Variants in PLXNB2 observed in about 807,000 individuals in gnomAD.
PLXNB2 encodes the protein plexin-B2.
Under a neutral mutation model 202.6 loss-of-function variants are expected in PLXNB2, and 85 were observed. The ratio of observed to expected loss-of-function variants is 0.42; its 90% CI spans 0.35 to 0.50. PLXNB2 has a LOEUF of 0.50. Among genes scored for constraint, PLXNB2 ranks in the 20% least tolerant of loss-of-function variants. The pLI is 0.02. For missense variants in PLXNB2, 2,063 were observed against 2,586.2 expected (o/e 0.80, Z 4.39); for synonymous variants, 1,239 against 1,137.6 (o/e 1.09, Z -1.79).
Position 50,289,120 on chromosome 22 carries a change from C to A in PLXNB2, c.1091G>T (p.Cys364Phe). The change falls in exon 4 of 37, where the codon TGT (cysteine) becomes TTT (phenylalanine). Residue 364 changes from cysteine (C) to phenylalanine (F), a missense_variant. Around this residue, in one of 2 missense-constraint regions of PLXNB2, gnomAD observed 1,303 missense variants for 1,476.8 expected, o/e 0.88. Coordinates refer to ENST00000359337, the MANE Select transcript of PLXNB2 (RefSeq NM_012401.4). The surrounding 1 kb of genome is among the most constrained non-coding windows in gnomAD (Gnocchi z 8.0). ...HAPGSSKSFPCGSEHLPYPLG... is the reference protein window; with the variant it reads ...HAPGSSKSFPFGSEHLPYPLG... ...CGGGTAGGGCAGGTGCTCCGAGCCA[C>A]ATGGGAAGCTCTTGCTGGAGCCCTG... 1 of 1,581,596 alleles carries A rather than the reference C, an allele frequency of 6.3e-7. No homozygotes were observed. Among genetic ancestry groups the A allele is most frequent in the Non-Finnish European group, 8.6e-7 (1 of 1,164,244 alleles).
Position 50,283,728 on chromosome 22 carries a change from A to G in PLXNB2, c.2444T>C (p.Leu815Pro), listed in dbSNP as rs965072605. 2 of 1,611,958 alleles carry G rather than the reference A, an allele frequency of 1.2e-6. No individual in the cohort carries two copies. The highest frequency in any genetic ancestry group is 1.3e-5 in the African/African-American group (1 of 74,906). The change falls in exon 15 of 37, where the codon CTG (leucine) becomes CCG (proline). Residue 815 changes from leucine (L) to proline (P), a missense_variant. Physicochemically the swap from Leu to Pro is moderately conservative, Grantham distance 98. This residue lies in a region of PLXNB2 where 1,303 missense variants were observed against 1,476.8 expected (regional missense o/e 0.88). Coordinates refer to ENST00000359337, the MANE Select transcript of PLXNB2 (RefSeq NM_012401.4). ...GATGGTGATGCGGATGCCCCCACCC[A>G]GGGGGCCCGTCTCAGGCTGGATCTG... is the stretch of plus-strand genomic sequence containing the variant. Reference protein sequence around the residue: ...ITRIQPETGPLGGGIRITILG... With the variant: ...ITRIQPETGPPGGGIRITILG...
At position 50,285,818 on chromosome 22, in the gene PLXNB2, C is replaced by T. The variant is rs753893606; in HGVS notation, c.2070G>A (p.Lys690=). Residue 690 remains lysine (K), a synonymous_variant, in exon 11 of 37, where the codon AAG becomes AAA. Transcript: ENST00000359337. ...TCCGCACCTTCACGGTGTCCAGGTT[C>T]TTGCCCTGGAAGTTCACATCTGTCT... The part of the protein sequence containing the change: ...NHETDVNFQG[K]NLDTVKGSSL... 12 of 1,612,220 alleles carry T rather than the reference C, an allele frequency of 7.4e-6. No homozygotes were observed. Among genetic ancestry groups the T allele is most frequent in the Middle Eastern group, 1.7e-4 (1 of 6,060 alleles).
intron 1 of PLXNB2, among the ~76,000 whole-genome samples, chr22:50,306,492 A>C (rs1601790418): frequency 6.6e-6 from 1 of 151,766 alleles, no homozygotes; most frequent in African/African-American, 2.4e-5. Flanking sequence ...GAGAGCCCCC[A>C]CTTCCCGGCA....
At chr22:50,290,767 G>A (rs1259906017) in intron 2 of PLXNB2, among the ~76,000 whole-genome samples, 170 bp from the exon 3 acceptor site, 5 of 152,138 alleles carry the variant, frequency 3.3e-5, no homozygotes, top group South Asian at 2.1e-4. Flanking sequence ...CGCCATCCTC[G>A]AGGTCTCGCC....
rs1601662091 is a variant in PLXNB2, at chr22:50,275,490, G to A, written c.*214C>T. Reference sequence around the variant, plus strand: ...GGTTCTGCGGCCGGAGGGAGCTGGGGCTGGGGCTGGTGCTGGTGCGGTGCC... The same window carrying A: ...GGTTCTGCGGCCGGAGGGAGCTGGGACTGGGGCTGGTGCTGGTGCGGTGCC... On this transcript the variant is annotated 3_prime_UTR_variant, in exon 37 of 37. Coordinates refer to ENST00000359337, the MANE Select transcript of PLXNB2 (RefSeq NM_012401.4). The A allele has an allele frequency of 3.0e-6, 2 of 669,132 alleles. No homozygotes were observed. Among genetic ancestry groups the A allele is most frequent in the Non-Finnish European group, 2.8e-6 (1 of 363,044 alleles). The allele number at this position is 669,132 out of a possible 1,614,324, so 41.4% of individuals were successfully genotyped here.
rs1421329356 is a variant in PLXNB2, at chr22:50,286,188, A to T, written c.1862T>A (p.Leu621Gln). Residue 621 changes from leucine to glutamine, a missense_variant, in exon 9 of 37, where the codon CTG becomes CAG. Coordinates refer to ENST00000359337, the MANE Select transcript of PLXNB2 (RefSeq NM_012401.4). Reference sequence around the variant, plus strand: ...AGACACTCACGGCAGGTTCTCCTCCAGGCTCATGGCCTGGCGGCAGTCGTA... The same window carrying T: ...AGACACTCACGGCAGGTTCTCCTCCTGGCTCATGGCCTGGCGGCAGTCGTA... ...PFYDCRQAMS[L>Q]EENLPCISCV... The T allele has an allele frequency of 6.2e-7, 1 of 1,612,930 alleles. No homozygotes were observed. Among genetic ancestry groups the T allele is most frequent in the Non-Finnish European group, 8.5e-7 (1 of 1,179,734 alleles).
intron 2 of PLXNB2, among the ~76,000 whole-genome samples, chr22:50,292,221 T>C (rs1375212347): frequency 6.6e-6 from 1 of 150,840 alleles, no homozygotes; most frequent in Non-Finnish European, 1.5e-5. Context: ...GCCTGTAGTC[T>C]CAGCTACTCC....
At position 50,281,628 on chromosome 22, in the gene PLXNB2, C is replaced by T. The variant is rs777426414; in HGVS notation, c.3460G>A (p.Val1154Met). The change falls in exon 21 of 37, where the codon GTG (valine) becomes ATG (methionine). Residue 1154 changes from valine (V) to methionine (M), a missense_variant. Coordinates refer to ENST00000359337, the MANE Select transcript of PLXNB2 (RefSeq NM_012401.4). ...TGCCGCCGCTTGGGCGGGGGCTGCA[C>T]CTCCGGGGGCTCACAGTACAGGTCG... ...ETDLYCEPPEVQPPPKRRQKR... is the reference protein window; with the variant it reads ...ETDLYCEPPEMQPPPKRRQKR... 1 of 1,607,052 alleles carries T rather than the reference C, an allele frequency of 6.2e-7. No homozygotes were observed. The highest frequency in any genetic ancestry group is 1.7e-5 in the Admixed American group (1 of 59,476).
In PLXNB2 at chr22:50,288,818, C is replaced by G. The variant is rs2066656219; in HGVS notation, c.1305G>C (p.Glu435Asp). The G allele has an allele frequency of 2.5e-6, 4 of 1,613,260 alleles. No individual in the cohort carries two copies. The highest frequency in any genetic ancestry group is 3.3e-5 in the Admixed American group (2 of 60,000). The change falls in exon 5 of 37, where the codon GAG becomes GAC. Residue 435 changes from glutamate (E) to aspartate (D), a missense_variant. By Grantham distance (45) the Glu-to-Asp change is conservative (BLOSUM62 2). Transcript: ENST00000359337. The surrounding 1 kb of genome is among the most constrained non-coding windows in gnomAD (Gnocchi z 5.0). ...TSSEYDSILVEINKRVKRDLV... is the reference protein window; with the variant it reads ...TSSEYDSILVDINKRVKRDLV... ...GGTCGCGCTTGACTCTCTTGTTTAT[C>G]TCCACAAGGATAGAGTCGTACTCTG...
chr22:50,303,211 G>A (rs1461399192), intron 1 of PLXNB2, among the ~76,000 whole-genome samples: 3 of 152,128 alleles, frequency 2.0e-5, no homozygotes, highest in African/African-American at 7.2e-5. Context: ...ACAGAGCATG[G>A]ACCCCAGGCA....
chr22:50,294,736 GT>G lies in PLXNB2; in HGVS notation c.-32del. ...GTACAGACCCCTCACCGAGGCTCCA[GT>G]GGTCCAGCTCAGTTTCTGCTCCAGG... On this transcript the variant is annotated 5_prime_UTR_variant, in exon 2 of 37. Coordinates refer to ENST00000359337, the MANE Select transcript of PLXNB2 (RefSeq NM_012401.4). The G allele has an allele frequency of 1.0e-6, 1 of 985,558 alleles. No individual in the cohort carries two copies. Among genetic ancestry groups the G allele is most frequent in the Non-Finnish European group, 1.2e-6 (1 of 829,996 alleles). The allele number at this position is 985,558 out of a possible 1,614,324, so 61.1% of individuals were successfully genotyped here.
At chr22:50,281,023 C>T in intron 23 of PLXNB2, 50 bp from the exon 24 acceptor site, 4 of 1,601,544 alleles carry the variant, frequency 2.5e-6, no homozygotes, top group Non-Finnish European at 3.4e-6. Context: ...GGCCCTGACC[C>T]CCACGCTACA....
chr22:50,281,889 C>G lies in PLXNB2; in HGVS notation c.3310G>C (p.Val1104Leu), dbSNP rs747486856. ...DPTFENFTGG[V>L]KKQVNKLIHA... is the part of the protein sequence containing the mutation. ...ATGAGCTTGTTGACCTGCTTCTTGACGCCACCTGTGAAGTTCTCAAAGGTG... is the reference window on the plus strand; with the variant it reads ...ATGAGCTTGTTGACCTGCTTCTTGAGGCCACCTGTGAAGTTCTCAAAGGTG... The change falls in exon 20 of 37, where the codon GTC becomes CTC. Residue 1104 changes from valine (V) to leucine (L), a missense_variant. Around this residue, in one of 2 missense-constraint regions of PLXNB2, gnomAD observed 760 missense variants for 1,109.4 expected, o/e 0.69. Coordinates refer to ENST00000359337, the MANE Select transcript of PLXNB2 (RefSeq NM_012401.4). 6.2e-7 allele frequency: 1 copy of G among 1,613,006 alleles called. No individual in the cohort carries two copies. Among genetic ancestry groups the G allele is most frequent in the Non-Finnish European group, 8.5e-7 (1 of 1,179,968 alleles).
chr22:50,292,872 T>C (rs1005557713), intron 2 of PLXNB2, among the ~76,000 whole-genome samples: 3 of 152,212 alleles, frequency 2.0e-5, no homozygotes, highest in Non-Finnish European at 2.9e-5. Context: ...TCCTGCTCCC[T>C]GGGAGTGCAC....
rs752921231 is a variant in PLXNB2, at chr22:50,289,570, C to T, written c.1015G>A (p.Asp339Asn). ...ACYTGTREAR[D>N]IFYKPFHGDI... ...CCGTGGAAGGGCTTGTAGAAGATGT[C>T]ACGGGCCTCCCGGGTGCCTGTGTAA... is the stretch of plus-strand genomic sequence containing the variant. Residue 339 changes from aspartate (D) to asparagine (N), a missense_variant, in exon 3 of 37, where the codon GAC becomes AAC. Around this residue, in one of 2 missense-constraint regions of PLXNB2, gnomAD observed 1,303 missense variants for 1,476.8 expected, o/e 0.88. Coordinates refer to ENST00000359337, the MANE Select transcript of PLXNB2 (RefSeq NM_012401.4). This position sits in a 1 kb window ranked among gnomAD's most constrained non-coding sequence, Gnocchi z 8.0. 3 of 1,611,596 alleles carry T rather than the reference C, an allele frequency of 1.9e-6. No individual in the cohort carries two copies. Among genetic ancestry groups the T allele is most frequent in the African/African-American group, 2.7e-5 (2 of 74,944 alleles).
At position 50,284,754 on chromosome 22, in the gene PLXNB2, A is replaced by G. The variant is rs2066294698; in HGVS notation, c.2089-89T>C. ...CCCCTGCAGCCCCTCCTCTGTGCCT[A>G]CAGTGTGGGAGCCCTCTCCTCACCC... is the stretch of plus-strand genomic sequence containing the variant. On this transcript the variant is annotated intron_variant, in intron 11 of 36. Transcript: ENST00000359337. This position sits in a 1 kb window ranked among gnomAD's most constrained non-coding sequence, Gnocchi z 8.0. The G allele has an allele frequency of 1.3e-5, 13 of 977,680 alleles. No individual in the cohort carries two copies. In the South Asian group the frequency reaches 1.6e-4, roughly 12 times the overall value. 60.6% of individuals were successfully genotyped at this position (977,680 alleles called of 1,614,324 possible). A position where few individuals can be genotyped will look rare whatever the true frequency, so the allele number is the denominator to read the frequency against.
At position 50,279,621 on chromosome 22, in the gene PLXNB2, G is replaced by A. The variant is rs560391173; in HGVS notation, c.4389+9C>T. Reference sequence around the variant, plus strand: ...GGCGCCCATGGCGGCCCCCACCCCAGAAGCTCACCAGGGGTGCGTACTCCA... The same window carrying A: ...GGCGCCCATGGCGGCCCCCACCCCAAAAGCTCACCAGGGGTGCGTACTCCA... On this transcript the variant is annotated intron_variant, in intron 27 of 36. Transcript: ENST00000359337. The A allele has an allele frequency of 5.6e-6, 9 of 1,613,082 alleles. No individual in the cohort carries two copies. The South Asian group carries it at 6.6e-5, about 12-fold the overall frequency.
At chr22:50,279,363 C>G (rs1248201315) in intron 27 of PLXNB2, among the ~76,000 whole-genome samples, 1 of 152,242 alleles carries the variant, frequency 6.6e-6, no homozygotes, top group Non-Finnish European at 1.5e-5. Flanking sequence ...CTGGACACAC[C>G]TGGTGTGCCA....
intron 6 of PLXNB2, 54 bp from the exon 7 acceptor site, chr22:50,287,847 C>G: frequency 6.3e-7 from 1 of 1,596,570 alleles, no homozygotes; most frequent in Non-Finnish European, 8.5e-7. Flanking sequence ...TCTCCCGGGA[C>G]AGGACAGTGC....
Sources: allele counts gnomAD v4.1 joint callset (sites outside exome capture counted in the v4.1 genomes callset), GRCh38; gene constraint gnomAD v4.1.1; regional missense constraint gnomAD v4.1.1; non-coding constraint Gnocchi (gnomAD v3.1); transcripts MANE v1.5; gene names NCBI Gene and HGNC (gene_info 2026-07-23, HGNC 2026-07-21).